DOK5: variants seen among roughly 807,000 people sequenced by gnomAD.
DOK5 encodes the protein downstream of tyrosine kinase 5.
In DOK5, 27 loss-of-function variants were observed where a neutral mutation model predicts 43.3. That is an observed-to-expected ratio of 0.62 (90% CI 0.46 to 0.86). DOK5 has a LOEUF of 0.86. DOK5 is among the 40% of genes least tolerant of loss of function. The pLI is 0.00. For missense variants in DOK5, 373 were observed against 392.9 expected (o/e 0.95, Z 0.43); for synonymous variants, 146 against 140.1 (o/e 1.04, Z -0.30).
intron 1 of DOK5, among the ~76,000 whole-genome samples, chr20:54,542,140 G>A (rs867472680): frequency 2.6e-4 from 30 of 117,622 alleles, no homozygotes; most frequent in African/African-American, 3.7e-4. Context: ...ACACACACAC[G>A]CATGTAAGCA....
intron 1 of DOK5, among the ~76,000 whole-genome samples, chr20:54,492,494 A>G (rs759885533): frequency 8.5e-5 from 13 of 152,316 alleles, no homozygotes; most frequent in African/African-American, 1.9e-4. Flanking sequence ...TTGCTATATA[A>G]ACAATGAGGT....
chr20:54,502,102 G>A (rs1416711852), intron 1 of DOK5, among the ~76,000 whole-genome samples: 4 of 152,176 alleles, frequency 2.6e-5, no homozygotes, highest in East Asian at 1.9e-4. Context: ...CTGACAGAAC[G>A]TGCATCTCTG....
intron 2 of DOK5, among the ~76,000 whole-genome samples, chr20:54,572,787 T>C (rs1985332074): frequency 1.3e-5 from 2 of 152,200 alleles, no homozygotes. Context: ...TTGGTCTAAA[T>C]AATCATTCTC....
At chr20:54,480,819 C>A (rs1284372581) in intron 1 of DOK5, among the ~76,000 whole-genome samples, 1 of 152,146 alleles carries the variant, frequency 6.6e-6, no homozygotes, top group Admixed American at 6.5e-5. Context: ...GCTGTTTCCC[C>A]AGTTACCTCC....
At chr20:54,534,283 G>T (rs1186174511) in intron 1 of DOK5, among the ~76,000 whole-genome samples, 1 of 152,168 alleles carries the variant, frequency 6.6e-6, no homozygotes, top group Non-Finnish European at 1.5e-5. Flanking sequence ...ATCCCTCTGG[G>T]CTCAGGTGAT....
At chr20:54,645,651 A>G (rs1416524320) in intron 7 of DOK5, among the ~76,000 whole-genome samples, 2 of 152,066 alleles carry the variant, frequency 1.3e-5, no homozygotes, top group Admixed American at 1.3e-4. Context: ...ACGTGCACTC[A>G]TAAGATGCAG....
chr20:54,568,843 T>C (rs898909179), intron 2 of DOK5, among the ~76,000 whole-genome samples: 1 of 152,046 alleles, frequency 6.6e-6, no homozygotes. Context: ...GGCAGGAGAA[T>C]GGCCCGTGAA....
At chr20:54,515,253 T>C (rs1442286281) in intron 1 of DOK5, among the ~76,000 whole-genome samples, 2 of 152,170 alleles carry the variant, frequency 1.3e-5, no homozygotes, top group African/African-American at 4.8e-5. Flanking sequence ...CCTCAGGCCA[T>C]CCAACCCGCC....
intron 6 of DOK5, among the ~76,000 whole-genome samples, chr20:54,636,028 G>T (rs1327788643): frequency 2.0e-5 from 3 of 152,160 alleles, no homozygotes; most frequent in South Asian, 4.1e-4. Flanking sequence ...ATGGTGGAAA[G>T]TATCAAGTGG....
chr20:54,633,901 C>G (rs1375150499), intron 6 of DOK5, among the ~76,000 whole-genome samples: 1 of 152,202 alleles, frequency 6.6e-6, no homozygotes, highest in African/African-American at 2.4e-5. Flanking sequence ...CAATTACATC[C>G]TGTCGTGCTG....
At chr20:54,550,702 A>G (rs1178193597) in intron 1 of DOK5, among the ~76,000 whole-genome samples, 2 of 151,812 alleles carry the variant, frequency 1.3e-5, no homozygotes, top group African/African-American at 4.9e-5. Context: ...GATTTATCCA[A>G]GTTGTTGCAG....
chr20:54,611,177 C>T (rs972286049), intron 6 of DOK5, among the ~76,000 whole-genome samples: 15 of 152,136 alleles, frequency 9.9e-5, no homozygotes, highest in Admixed American at 2.6e-4. Flanking sequence ...TAAAGATGCC[C>T]AAACATAAAC....
intron 1 of DOK5, among the ~76,000 whole-genome samples, chr20:54,543,694 A>G (rs997432573): frequency 1.6e-4 from 25 of 152,204 alleles, no homozygotes; most frequent in African/African-American, 6.0e-4. Flanking sequence ...TTACAGAATG[A>G]GTGTATATGT....
At chr20:54,616,349 A>G (rs977045153) in intron 6 of DOK5, among the ~76,000 whole-genome samples, 2 of 152,054 alleles carry the variant, frequency 1.3e-5, no homozygotes, top group African/African-American at 2.4e-5. Context: ...TATTCTGAAA[A>G]CTCCAAATTA....
intron 1 of DOK5, among the ~76,000 whole-genome samples, chr20:54,504,502 A>T (rs1982732488): frequency 6.6e-6 from 1 of 152,246 alleles, no homozygotes; most frequent in African/African-American, 2.4e-5. Context: ...TCCTTGACTC[A>T]CTCAGAAGGA....
intron 6 of DOK5, among the ~76,000 whole-genome samples, chr20:54,628,358 G>C (rs910401559): frequency 1.6e-5 from 2 of 127,826 alleles, no homozygotes; most frequent in African/African-American, 5.9e-5. Context: ...GCAGTGAGCC[G>C]AGATCGCGCC....
At chr20:54,608,930 C>T (rs1986555725) in intron 5 of DOK5, among the ~76,000 whole-genome samples, 1 of 152,156 alleles carries the variant, frequency 6.6e-6, no homozygotes, top group African/African-American at 2.4e-5. Context: ...CCACCTTGGC[C>T]TCCCAAAGTG....
At chr20:54,544,486 T>A (rs1161491366) in intron 1 of DOK5, among the ~76,000 whole-genome samples, 1 of 152,200 alleles carries the variant, frequency 6.6e-6, no homozygotes, top group African/African-American at 2.4e-5. Context: ...TCAGAGATCA[T>A]CCAGGCCAAT....
intron 1 of DOK5, among the ~76,000 whole-genome samples, chr20:54,542,973 T>C (rs1487223224): frequency 6.7e-6 from 1 of 149,562 alleles, no homozygotes; most frequent in African/African-American, 2.6e-5. Flanking sequence ...TAGAGTAGCA[T>C]AGAGTTGGTA....
Sources: allele counts gnomAD v4.1 joint callset (sites outside exome capture counted in the v4.1 genomes callset), GRCh38; gene constraint gnomAD v4.1.1; transcripts MANE v1.5; gene names NCBI Gene and HGNC (gene_info 2026-07-23, HGNC 2026-07-21).